The following UNC13C variants were observed in gnomAD, a reference collection of about 807,000 sequenced individuals.
The protein encoded by UNC13C is protein unc-13 homolog C.
In UNC13C, 174 loss-of-function variants were observed where a neutral mutation model predicts 245.4. The observed-to-expected ratio is 0.71, with a 90% CI of 0.63 to 0.80. UNC13C has a LOEUF of 0.80. UNC13C is among the 30% of genes least tolerant of loss of function. The probability of loss-of-function intolerance (pLI) is 0.00; values close to 1 mark genes in which losing one functional copy is unlikely to be tolerated. For synonymous variants in UNC13C, 992 were observed against 895.1 expected, an observed-to-expected ratio of 1.11 and a Z score of -1.93; for missense variants, 2,829 against 2,602.9, an observed-to-expected ratio of 1.09 and a Z score of -1.89.
At chr15:54,573,364 A>G (rs999429016) in intron 30 of UNC13C, among the ~76,000 whole-genome samples, 2 of 152,248 alleles carry the variant, frequency 1.3e-5, no homozygotes, top group Admixed American at 1.3e-4. Flanking sequence ...TAATTCAAAT[A>G]TGATCTATCA....
At chr15:54,556,970 A>G (rs1013830077) in intron 29 of UNC13C, among the ~76,000 whole-genome samples, 1 of 152,052 alleles carries the variant, frequency 6.6e-6, no homozygotes, top group Non-Finnish European at 1.5e-5. Flanking sequence ...GGGCCAGATG[A>G]TCACCACCTG....
chr15:54,355,610 G>A lies in UNC13C; in HGVS notation c.4713+17121G>A, dbSNP rs553481502. Among the ~76,000 whole-genome samples the A allele has an allele frequency of 7.9e-5, 12 of 152,054 alleles. 1 individual carries two copies. Among genetic ancestry groups the A allele is most frequent in the Admixed American group, 1.3e-4 (2 of 15,254 alleles). Reference sequence around the variant, plus strand: ...TGACCTCAAGTGATGCTCCCACTTCGGCCTCCCAAAGTGCTGGGATTACAG... The same window carrying A: ...TGACCTCAAGTGATGCTCCCACTTCAGCCTCCCAAAGTGCTGGGATTACAG... On this transcript the variant is annotated intron_variant, in intron 17 of 32. Coordinates refer to ENST00000260323, the MANE Select transcript of UNC13C (RefSeq NM_001080534.3).
chr15:53,987,478 C>T (rs1446650490), intron 1 of UNC13C, among the ~76,000 whole-genome samples: 1 of 152,036 alleles, frequency 6.6e-6, no homozygotes, highest in African/African-American at 2.4e-5. Context: ...TCAAAGCCAT[C>T]ATCCTACAGA....
chr15:54,334,064 T>C (rs2038511500), intron 16 of UNC13C, among the ~76,000 whole-genome samples: 1 of 152,108 alleles, frequency 6.6e-6, no homozygotes, highest in Admixed American at 6.6e-5. Flanking sequence ...CTCTGATACA[T>C]TTGGCTCTAA....
At chr15:53,938,907 C>A in the UNC13C span, among the ~76,000 whole-genome samples, 1 of 151,922 alleles carries the variant, frequency 6.6e-6, no homozygotes, top group African/African-American at 2.4e-5. Context: ...TTAGAAAGAC[C>A]TCAAATCAGT....
intron 2 of UNC13C, among the ~76,000 whole-genome samples, chr15:54,061,703 C>G (rs1470398526): frequency 6.6e-6 from 1 of 152,152 alleles, no homozygotes; most frequent in Non-Finnish European, 1.5e-5. Context: ...AGAAGGAGGG[C>G]TCTCATTCTA....
intron 4 of UNC13C, among the ~76,000 whole-genome samples, chr15:54,207,529 C>G (rs1282783056): frequency 6.6e-6 from 1 of 151,938 alleles, no homozygotes; most frequent in Non-Finnish European, 1.5e-5. Flanking sequence ...TAGAAATAAG[C>G]CTACTGGCAT....
At chr15:54,325,387 TTTG>T (rs2038272398) in intron 14 of UNC13C, among the ~76,000 whole-genome samples, 3 of 152,060 alleles carry the variant, frequency 2.0e-5, no homozygotes, top group Admixed American at 1.3e-4. Flanking sequence ...TTGGTTTTGT[TTTG>T]TATGAATCTT....
intron 4 of UNC13C, among the ~76,000 whole-genome samples, chr15:54,180,768 A>G (rs773527115): frequency 1.3e-5 from 2 of 148,264 alleles, no homozygotes; most frequent in Non-Finnish European, 3.0e-5. Flanking sequence ...TTTTTTTCAT[A>G]TATTTGTTGG....
At chr15:54,557,922 A>G (rs1344536989) in intron 29 of UNC13C, among the ~76,000 whole-genome samples, 2 of 152,110 alleles carry the variant, frequency 1.3e-5, no homozygotes, top group African/African-American at 4.8e-5. Flanking sequence ...CTATGCAGCC[A>G]TAAAAAATGA....
downstream of UNC13C, chr15:54,631,387 T>C (rs1901454214): frequency 6.6e-6 from 1 of 152,158 alleles, no homozygotes; most frequent in Admixed American, 6.5e-5. Context: ...ACTAAAATTC[T>C]CTCTTTTGGC....
At chr15:54,391,690 A>C (rs1160676743) in intron 17 of UNC13C, among the ~76,000 whole-genome samples, 4 of 152,066 alleles carry the variant, frequency 2.6e-5, no homozygotes, top group African/African-American at 9.7e-5. Context: ...TAGTTCTGCA[A>C]GTTTTAACAT....
At chr15:53,942,346 A>C in the UNC13C span, among the ~76,000 whole-genome samples, 2 of 152,168 alleles carry the variant, frequency 1.3e-5, no homozygotes, top group African/African-American at 4.8e-5. Flanking sequence ...AGTAGGAGTT[A>C]AATGATGAGA....
chr15:53,979,645 G>A (rs985118114), intron 1 of UNC13C, among the ~76,000 whole-genome samples: 3 of 152,140 alleles, frequency 2.0e-5, no homozygotes, highest in Non-Finnish European at 4.4e-5. Context: ...CAATAGTAAT[G>A]TTGGCTGTCT....
intron 30 of UNC13C, among the ~76,000 whole-genome samples, chr15:54,572,704 G>T (rs1897809987): frequency 6.6e-6 from 1 of 152,128 alleles, no homozygotes; most frequent in African/African-American, 2.4e-5. Context: ...GGGATTACAG[G>T]TGTGAGCTAC....
intron 19 of UNC13C, among the ~76,000 whole-genome samples, chr15:54,490,382 G>A (rs1893642017): frequency 6.6e-6 from 1 of 152,186 alleles, no homozygotes; most frequent in African/African-American, 2.4e-5. Context: ...AAAGTAGACA[G>A]AAGTGTTTCT....
intron 26 of UNC13C, among the ~76,000 whole-genome samples, chr15:54,542,072 C>T (rs1490111068): frequency 6.6e-6 from 1 of 151,984 alleles, no homozygotes; most frequent in Non-Finnish European, 1.5e-5. Context: ...TTCCGTTGTC[C>T]TTTTCTCAAC....
At chr15:54,518,869 C>T (rs28537662) in intron 24 of UNC13C, among the ~76,000 whole-genome samples, 22,181 of 152,152 alleles carry the variant, frequency 0.15, 1,692 homozygotes, top group Middle Eastern at 0.19. Flanking sequence ...TAAAGTGTCT[C>T]GTTGATTCTA....
intron 30 of UNC13C, among the ~76,000 whole-genome samples, chr15:54,582,668 G>C (rs1297916873): frequency 6.6e-6 from 1 of 152,092 alleles, no homozygotes; most frequent in Non-Finnish European, 1.5e-5. Context: ...CTGCAGAAGG[G>C]ACGTGTTTGC....
Sources: allele counts gnomAD v4.1 joint callset (sites outside exome capture counted in the v4.1 genomes callset), GRCh38; gene constraint gnomAD v4.1.1; transcripts MANE v1.5; gene names NCBI Gene and HGNC (gene_info 2026-07-23, HGNC 2026-07-21).